Variants in RPH3A observed in about 807,000 individuals in gnomAD.
The protein encoded by RPH3A is rabphilin 3A.
Under a neutral mutation model 102.2 loss-of-function variants are expected in RPH3A, and 48 were observed. The ratio of observed to expected loss-of-function variants is 0.47; its 90% CI spans 0.37 to 0.60. The LOEUF (loss-of-function observed/expected upper bound fraction) is 0.60, where lower values mean the gene tolerates loss of function less well. Ranked by LOEUF, RPH3A falls within the 20% of genes least tolerant of loss-of-function variation. The pLI, the probability that RPH3A is intolerant of heterozygous loss-of-function variation, is 0.00. For missense variants in RPH3A, 781 were observed against 910.1 expected, an observed-to-expected ratio of 0.86 and a Z score of 1.83; for synonymous variants, 310 against 324.3, an observed-to-expected ratio of 0.96 and a Z score of 0.47.
intron 1 of RPH3A, among the ~76,000 whole-genome samples, chr12:112,641,209 C>G (rs944404876): frequency 6.6e-6 from 1 of 152,186 alleles, no homozygotes; most frequent in Non-Finnish European, 1.5e-5. Context: ...TCAGCCTGCT[C>G]CTTGGCTCTA....
chr12:112,834,177 A>G (rs968084404), intron 3 of RPH3A, among the ~76,000 whole-genome samples: 6 of 152,146 alleles, frequency 3.9e-5, no homozygotes, highest in Non-Finnish European at 7.4e-5. Context: ...ATTTAGCAAT[A>G]AATTTGTTTG....
At chr12:112,713,034 C>G (rs1330124600) in intron 1 of RPH3A, among the ~76,000 whole-genome samples, 10 of 81,654 alleles carry the variant, frequency 1.2e-4, no homozygotes, top group Admixed American at 6.2e-4. Context: ...TCTTCTTCTT[C>G]TTCTTCTTCT....
At chr12:112,621,936 C>CT (rs2039732127) in intron 1 of RPH3A, among the ~76,000 whole-genome samples, 1 of 150,690 alleles carries the variant, frequency 6.6e-6, no homozygotes, top group Admixed American at 6.6e-5. Context: ...AGGCACCCCC[C>CT]AGCAGGGGCA....
chr12:112,629,636 C>T (rs1027724437), intron 1 of RPH3A, among the ~76,000 whole-genome samples: 1 of 151,802 alleles, frequency 6.6e-6, no homozygotes, highest in African/African-American at 2.4e-5. Context: ...ACTCTTACAC[C>T]TGGATAATTT....
At chr12:112,795,422 T>C (rs577391093) in intron 2 of RPH3A, among the ~76,000 whole-genome samples, 1 of 152,326 alleles carries the variant, frequency 6.6e-6, no homozygotes, top group East Asian at 1.9e-4. Context: ...ATAATTCAGC[T>C]GCCACCCAGG....
chr12:112,599,962 T>C (rs1157440948), intron 1 of RPH3A, among the ~76,000 whole-genome samples: 1 of 152,222 alleles, frequency 6.6e-6, no homozygotes, highest in Non-Finnish European at 1.5e-5. Flanking sequence ...CATCACGGGA[T>C]GATAACAGTG....
At chr12:112,629,719 C>T (rs990724530) in intron 1 of RPH3A, among the ~76,000 whole-genome samples, 12 of 151,952 alleles carry the variant, frequency 7.9e-5, no homozygotes, top group African/African-American at 2.9e-4. Flanking sequence ...TCAAGAGATC[C>T]TCCCACCTGG....
rs184542668 is a variant in RPH3A at position 112,804,213 on chromosome 12, A to G, written c.-19+11950A>G. ...AAACCAGGTTCAGTCATCAGGGATG[A>G]CAGTGGCCAAACCATAAAGCTCCAA... On this transcript the variant is annotated intron_variant, in intron 2 of 21. Transcript: ENST00000389385. Among the ~76,000 whole-genome samples the G allele has an allele frequency of 1.3e-3, 193 of 152,328 alleles. 1 individual carries two copies. Among genetic ancestry groups the G allele is most frequent in the Non-Finnish European group, 2.0e-3 (138 of 68,028 alleles).
chr12:112,891,212 C>T, intron 19 of RPH3A: 1 of 589,232 alleles, frequency 1.7e-6, no homozygotes, highest in Non-Finnish European at 3.0e-6. Context: ...GTCACTTGCC[C>T]ACAGGCAAAG....
At chr12:112,730,546 C>T (rs2040625125) in intron 1 of RPH3A, among the ~76,000 whole-genome samples, 1 of 152,220 alleles carries the variant, frequency 6.6e-6, no homozygotes, top group East Asian at 1.9e-4. Flanking sequence ...TTGGCTGAGG[C>T]TGTGCAAGGC....
At chr12:112,713,104 T>TC (rs2040491540) in intron 1 of RPH3A, among the ~76,000 whole-genome samples, 1 of 137,534 alleles carries the variant, frequency 7.3e-6, no homozygotes, top group South Asian at 2.7e-4. Context: ...CTTCTTCTTT[T>TC]ATTTTTTTGT....
chr12:112,698,025 C>T (rs376096682), intron 1 of RPH3A, among the ~76,000 whole-genome samples: 2 of 151,936 alleles, frequency 1.3e-5, no homozygotes, highest in East Asian at 3.9e-4. Context: ...TATTAAAGAG[C>T]TACAGTAGTC....
chr12:112,691,951 T>TA lies in RPH3A; in HGVS notation c.-139-100186dup, dbSNP rs565574858. Among the ~76,000 whole-genome samples, 230 of 152,294 alleles carry TA rather than the reference T, an allele frequency of 1.5e-3. 3 individuals are homozygous for TA. Among genetic ancestry groups the TA allele is most frequent in the Middle Eastern group, 0.01 (3 of 294 alleles). ...AGAATGTGACAGATGATTGGATTTT[T>TA]AAAAAATGTGTTATATATACACCGT... On this transcript the variant is annotated intron_variant, in intron 1 of 21. Transcript: ENST00000543106.
At chr12:112,790,762 G>A (rs2041090725), upstream of RPH3A, among the ~76,000 whole-genome samples, 1 of 152,170 alleles carries the variant, frequency 6.6e-6, no homozygotes, top group East Asian at 1.9e-4. Flanking sequence ...TTTGGCCAAG[G>A]CTCAATGGTC....
At chr12:112,580,435 G>T (rs1442110118) in intron 1 of RPH3A, among the ~76,000 whole-genome samples, 1 of 121,410 alleles carries the variant, frequency 8.2e-6, no homozygotes, top group Non-Finnish European at 1.6e-5. Flanking sequence ...ATGGAGTCTC[G>T]CTCTGTCGCC....
intron 1 of RPH3A, among the ~76,000 whole-genome samples, chr12:112,628,460 C>T (rs1012961352): frequency 3.3e-5 from 5 of 150,540 alleles, no homozygotes; most frequent in Non-Finnish European, 5.9e-5. Flanking sequence ...GAAGGGGACC[C>T]ATGGCATGCC....
chr12:112,656,012 T>C (rs2040009085), intron 1 of RPH3A, among the ~76,000 whole-genome samples: 1 of 152,212 alleles, frequency 6.6e-6, no homozygotes, highest in Non-Finnish European at 1.5e-5. Context: ...AATTTCATTT[T>C]TTCATTTCCT....
intron 1 of RPH3A, among the ~76,000 whole-genome samples, chr12:112,764,316 T>C (rs1370119057): frequency 3.3e-5 from 5 of 152,206 alleles, no homozygotes; most frequent in Non-Finnish European, 7.3e-5. Context: ...AGTCAGGTTT[T>C]AGTGGAAAGA....
At chr12:112,864,841 G>A (rs1042849835) in intron 5 of RPH3A, among the ~76,000 whole-genome samples, 1 of 152,122 alleles carries the variant, frequency 6.6e-6, no homozygotes. Context: ...ATTCAGTTGG[G>A]CTGGGGTGGA....
Sources: allele counts gnomAD v4.1 joint callset (sites outside exome capture counted in the v4.1 genomes callset), GRCh38; gene constraint gnomAD v4.1.1; transcripts MANE v1.5; gene names NCBI Gene and HGNC (gene_info 2026-07-23, HGNC 2026-07-21).